Variants in PPP1R9A observed in about 807,000 individuals in gnomAD.
PPP1R9A encodes the protein neurabin-1.
Under a neutral mutation model 141.9 loss-of-function variants are expected in PPP1R9A, and 59 were observed. The observed-to-expected ratio is 0.42, with a 90% CI of 0.34 to 0.52. PPP1R9A has a LOEUF of 0.52. Among genes scored for constraint, PPP1R9A ranks in the 20% least tolerant of loss-of-function variants. The pLI is 0.10. For synonymous variants in PPP1R9A, 500 were observed against 569.7 expected, an observed-to-expected ratio of 0.88 and a Z score of 1.74; for missense variants, 1,444 against 1,611.9, an observed-to-expected ratio of 0.90 and a Z score of 1.78.
chr7:95,225,441 A>G (rs1440795655), intron 7 of PPP1R9A, among the ~76,000 whole-genome samples: 1 of 152,286 alleles, frequency 6.6e-6, no homozygotes, highest in Admixed American at 6.5e-5. Context: ...TCTTTAGCTC[A>G]CTAGTTCACC....
chr7:95,057,373 C>T (rs1811644047), intron 2 of PPP1R9A, among the ~76,000 whole-genome samples: 2 of 152,248 alleles, frequency 1.3e-5, no homozygotes, highest in Non-Finnish European at 2.9e-5. Flanking sequence ...ATAACTCATA[C>T]AGCCAAAGTG....
Position 94,910,929 on chromosome 7 carries a change from C to A in PPP1R9A, c.816C>A (p.His272Gln), listed in dbSNP as rs1349984176. 2 of 1,614,120 alleles carry A rather than the reference C, an allele frequency of 1.2e-6. No individual in the cohort carries two copies. The highest frequency in any genetic ancestry group is 1.7e-5 in the Admixed American group (1 of 60,012). Residue 272 changes from histidine (H) to glutamine (Q), a missense_variant, in exon 2 of 20, where the codon CAC becomes CAA. Coordinates refer to ENST00000433360, the MANE Select transcript of PPP1R9A (RefSeq NM_001166160.2). The surrounding 1 kb of genome is among the most constrained non-coding windows in gnomAD (Gnocchi z 4.5). ...GAGGTGTTGATACAGAGGATGCTCACAAGAGTAATGCAACTCCAGTACCAG... is the reference window on the plus strand; with the variant it reads ...GAGGTGTTGATACAGAGGATGCTCAAAAGAGTAATGCAACTCCAGTACCAG... Reference protein sequence around the residue: ...NKRGVDTEDAHKSNATPVPEV... With the variant: ...NKRGVDTEDAQKSNATPVPEV...
chr7:94,924,195 G>T (rs538831038), intron 2 of PPP1R9A, among the ~76,000 whole-genome samples: 1 of 152,276 alleles, frequency 6.6e-6, no homozygotes, highest in East Asian at 1.9e-4. Context: ...TAATTTCACT[G>T]GTTGTGATTT....
At chr7:95,169,931 T>C (rs1831854258) in intron 5 of PPP1R9A, among the ~76,000 whole-genome samples, 2 of 151,734 alleles carry the variant, frequency 1.3e-5, no homozygotes, top group South Asian at 2.1e-4. Context: ...GATCCAGCAA[T>C]GTTAGAAATA....
intron 2 of PPP1R9A, among the ~76,000 whole-genome samples, chr7:95,015,007 T>A (rs1804900337): frequency 6.6e-6 from 1 of 152,038 alleles, no homozygotes; most frequent in Non-Finnish European, 1.5e-5. Flanking sequence ...TTCTTTATTC[T>A]GTGGCACAAA....
intron 2 of PPP1R9A, among the ~76,000 whole-genome samples, chr7:95,010,319 G>A (rs1272601062): frequency 6.6e-6 from 1 of 152,046 alleles, no homozygotes; most frequent in African/African-American, 2.4e-5. Flanking sequence ...TGGAAGGATT[G>A]CTTGAGTCCG....
chr7:95,044,422 A>G (rs1809697918), intron 2 of PPP1R9A, among the ~76,000 whole-genome samples: 1 of 152,254 alleles, frequency 6.6e-6, no homozygotes, highest in Admixed American at 6.5e-5. Context: ...AAGATCAGGA[A>G]TATTATCTCA....
At chr7:95,252,625 G>A (rs141033987) in intron 12 of PPP1R9A, among the ~76,000 whole-genome samples, 11 of 151,934 alleles carry the variant, frequency 7.2e-5, no homozygotes, top group Non-Finnish European at 1.2e-4. Context: ...GTGCTACCAC[G>A]TCTGGCTAAT....
intron 4 of PPP1R9A, among the ~76,000 whole-genome samples, chr7:95,157,650 A>G (rs2152694027): frequency 6.6e-6 from 1 of 152,378 alleles, no homozygotes; most frequent in East Asian, 1.9e-4. Context: ...ATCTTTAATC[A>G]GTAGTAAACA....
chr7:95,146,362 G>C (rs1320086022), intron 4 of PPP1R9A, among the ~76,000 whole-genome samples: 1 of 151,922 alleles, frequency 6.6e-6, no homozygotes, highest in African/African-American at 2.4e-5. Context: ...TTTTTTTCTT[G>C]TAAATTTAAG....
chr7:95,051,461 G>C (rs1226934407), intron 2 of PPP1R9A, among the ~76,000 whole-genome samples: 4 of 152,006 alleles, frequency 2.6e-5, no homozygotes, highest in African/African-American at 7.2e-5. Context: ...TAATTATTCT[G>C]GGTCTTTTGT....
intron 2 of PPP1R9A, among the ~76,000 whole-genome samples, chr7:95,102,867 A>G (rs1245924665): frequency 6.6e-6 from 1 of 152,206 alleles, no homozygotes; most frequent in African/African-American, 2.4e-5. Context: ...GACTCATTTT[A>G]TGGGTCAACG....
chr7:95,063,389 C>A (rs1397701423), intron 2 of PPP1R9A, among the ~76,000 whole-genome samples: 1 of 151,896 alleles, frequency 6.6e-6, no homozygotes, highest in African/African-American at 2.4e-5. Flanking sequence ...CATAGTTAGA[C>A]CCCATCTCTA....
At chr7:95,202,169 A>C (rs1170355844) in intron 6 of PPP1R9A, among the ~76,000 whole-genome samples, 1 of 152,224 alleles carries the variant, frequency 6.6e-6, no homozygotes, top group Non-Finnish European at 1.5e-5. Context: ...TCAATGCTTT[A>C]GGAAATTATA....
At chr7:95,079,765 G>A (rs1306796724) in intron 2 of PPP1R9A, among the ~76,000 whole-genome samples, 3 of 152,104 alleles carry the variant, frequency 2.0e-5, no homozygotes, top group African/African-American at 7.2e-5. Flanking sequence ...TTCATCCCTG[G>A]GATGCAAGGC....
At chr7:95,061,739 GA>G (rs1812267510) in intron 2 of PPP1R9A, among the ~76,000 whole-genome samples, 1 of 151,972 alleles carries the variant, frequency 6.6e-6, no homozygotes, top group African/African-American at 2.4e-5. Flanking sequence ...TGTGTCGAAT[GA>G]ATGAATGAAA....
intron 7 of PPP1R9A, among the ~76,000 whole-genome samples, chr7:95,225,616 A>C (rs956005010): frequency 2.0e-5 from 3 of 152,144 alleles, no homozygotes; most frequent in East Asian, 3.9e-4. Context: ...GCGTATTCAC[A>C]AAGAGAATTT....
chr7:94,933,619 C>T (rs1350363554), intron 2 of PPP1R9A, among the ~76,000 whole-genome samples: 1 of 152,128 alleles, frequency 6.6e-6, no homozygotes, highest in Admixed American at 6.5e-5. Flanking sequence ...GATAATGGGA[C>T]ATTATCATTT....
At chr7:95,070,728 T>A (rs1813701456) in intron 2 of PPP1R9A, among the ~76,000 whole-genome samples, 1 of 151,438 alleles carries the variant, frequency 6.6e-6, no homozygotes. Context: ...TTTTTGTGAT[T>A]ATTTGGAGCA....
Sources: gnomAD v4.1 joint callset for allele counts (sites outside exome capture counted in the v4.1 genomes callset) on GRCh38, gnomAD v4.1.1 for gene constraint, Gnocchi (gnomAD v3.1) non-coding constraint, MANE v1.5 for transcripts, NCBI Gene and HGNC (gene_info 2026-07-23, HGNC 2026-07-21) for gene names.